The following ANO4 variants were observed in gnomAD, a reference collection of about 807,000 sequenced individuals.
ANO4 encodes the protein anoctamin 4.
A neutral mutation model predicts 141.9 loss-of-function variants in ANO4; 69 were observed. That is an observed-to-expected ratio of 0.49 (90% CI 0.40 to 0.59). The LOEUF is 0.59. Ranked by LOEUF, ANO4 falls within the 20% of genes least tolerant of loss-of-function variation. The pLI, the probability that ANO4 is intolerant of heterozygous loss-of-function variation, is 0.00. For synonymous variants in ANO4, 350 were observed against 394.3 expected, an observed-to-expected ratio of 0.89 and a Z score of 1.33; for missense variants, 894 against 1,162.2, an observed-to-expected ratio of 0.77 and a Z score of 3.36.
At chr12:100,827,957 C>T (rs2036442327) in intron 1 of ANO4, among the ~76,000 whole-genome samples, 2 of 151,914 alleles carry the variant, frequency 1.3e-5, no homozygotes, top group South Asian at 2.1e-4. Flanking sequence ...GGGGCTACGA[C>T]GGGTGTCCCT....
intron 2 of ANO4, among the ~76,000 whole-genome samples, chr12:100,738,798 ACATGTGTGTGGTAAGAG>A (rs1352857227): frequency 6.6e-6 from 1 of 151,812 alleles, no homozygotes; most frequent in African/African-American, 2.4e-5. Flanking sequence ...ACCTTTTTTA[ACATGTGTGTGGTAAGAG>A]CACCTAAAAT....
At chr12:101,072,454 A>T (rs1348470491) in intron 14 of ANO4, among the ~76,000 whole-genome samples, 1 of 152,160 alleles carries the variant, frequency 6.6e-6, no homozygotes, top group Non-Finnish European at 1.5e-5. Context: ...AATTGATAAT[A>T]ATTGTTCTAT....
At chr12:100,883,510 A>G (rs1337766824) in intron 1 of ANO4, among the ~76,000 whole-genome samples, 1 of 152,250 alleles carries the variant, frequency 6.6e-6, no homozygotes, top group African/African-American at 2.4e-5. Context: ...TAGCCTACTG[A>G]TAAAGTATTT....
intron 7 of ANO4, among the ~76,000 whole-genome samples, chr12:100,979,908 T>G (rs1254989094): frequency 4.0e-5 from 6 of 149,658 alleles, no homozygotes; most frequent in Non-Finnish European, 6.0e-5. Context: ...TTTTTTTTTT[T>G]TTTTTGTATT....
At chr12:101,104,236 G>T (rs371539074) in intron 22 of ANO4, among the ~76,000 whole-genome samples, 9 of 151,370 alleles carry the variant, frequency 5.9e-5, no homozygotes, top group African/African-American at 2.2e-4. Flanking sequence ...ATTCATTTCT[G>T]CTCTTATCTT....
chr12:101,061,742 A>G (rs1005169469), intron 14 of ANO4, among the ~76,000 whole-genome samples: 3 of 151,624 alleles, frequency 2.0e-5, no homozygotes, highest in African/African-American at 2.4e-5. Context: ...CAGGTCATTT[A>G]TGTCCTCTAA....
intron 2 of ANO4, among the ~76,000 whole-genome samples, chr12:100,739,142 T>A (rs1295881693): frequency 6.7e-6 from 1 of 148,418 alleles, no homozygotes; most frequent in African/African-American, 2.4e-5. Flanking sequence ...TTAATCCTTA[T>A]AATTTATATA....
chr12:101,114,931 G>A (rs1011887674), intron 24 of ANO4, among the ~76,000 whole-genome samples: 26 of 152,186 alleles, frequency 1.7e-4, no homozygotes, highest in African/African-American at 6.0e-4. Context: ...TGACAAATGG[G>A]TCCTTCAGCT....
Position 101,094,259 on chromosome 12 carries a change from T to C in ANO4, c.1705T>C (p.Tyr569His). 6.2e-7 allele frequency: 1 copy of C among 1,610,550 alleles called. No individual in the cohort carries two copies. The highest frequency in any genetic ancestry group is 8.5e-7 in the Non-Finnish European group (1 of 1,177,054). Reference sequence around the variant, plus strand: ...ATGCATGAAATTTATTTTACAGCTCTATGAAAAAGTTGCCCTGCTTCTGAC... The same window carrying C: ...ATGCATGAAATTTATTTTACAGCTCCATGAAAAAGTTGCCCTGCTTCTGAC... ...FCIIMLLNVL[Y>H]EKVALLLTNL... is the part of the protein sequence containing the mutation. The change falls in exon 18 of 28, where the codon TAT becomes CAT. Residue 569 changes from tyrosine (Y) to histidine (H), a missense_variant. Transcript: ENST00000392977.
chr12:100,997,886 TC>T (rs780325384), intron 8 of ANO4, among the ~76,000 whole-genome samples: 7 of 152,216 alleles, frequency 4.6e-5, no homozygotes, highest in Non-Finnish European at 7.3e-5. Flanking sequence ...GCAGGACTTT[TC>T]TGAAGGCTGT....
At chr12:101,096,046 G>A (rs1346595794) in intron 18 of ANO4, among the ~76,000 whole-genome samples, 1 of 152,180 alleles carries the variant, frequency 6.6e-6, no homozygotes, top group Non-Finnish European at 1.5e-5. Context: ...AAAAGCAAAT[G>A]AGTCAAATGC....
At chr12:100,964,784 A>G (rs141251376) in intron 5 of ANO4, among the ~76,000 whole-genome samples, 2 of 152,296 alleles carry the variant, frequency 1.3e-5, no homozygotes, top group South Asian at 4.1e-4. Flanking sequence ...CTCTGTTCAA[A>G]TGTAACCTTA....
At chr12:100,743,416 G>A (rs1312409233) in intron 3 of ANO4, among the ~76,000 whole-genome samples, 1 of 151,766 alleles carries the variant, frequency 6.6e-6, no homozygotes, top group Non-Finnish European at 1.5e-5. Context: ...CTTTTAGTAG[G>A]TTTGACACAC....
intron 3 of ANO4, among the ~76,000 whole-genome samples, chr12:100,754,795 C>G (rs1462216239): frequency 6.6e-6 from 1 of 152,008 alleles, no homozygotes; most frequent in Non-Finnish European, 1.5e-5. Context: ...AAACATAGTG[C>G]TAAGTGAAAT....
At chr12:101,036,771 AC>A (rs1279666542) in intron 9 of ANO4, among the ~76,000 whole-genome samples, 1 of 152,236 alleles carries the variant, frequency 6.6e-6, no homozygotes, top group African/African-American at 2.4e-5. Flanking sequence ...GATCTAATGT[AC>A]AGCATGGGTG....
At chr12:100,773,941 T>A in intron 3 of ANO4, among the ~76,000 whole-genome samples, 1 of 152,310 alleles carries the variant, frequency 6.6e-6, no homozygotes, top group South Asian at 2.1e-4. Context: ...GTTTTGTAAA[T>A]AAAACTTTAT....
At chr12:100,955,160 T>C (rs1252458981) in intron 5 of ANO4, among the ~76,000 whole-genome samples, 1 of 152,252 alleles carries the variant, frequency 6.6e-6, no homozygotes, top group African/African-American at 2.4e-5. Flanking sequence ...TATCTATTAT[T>C]GTATAACAAA....
chr12:100,989,975 A>AGATG (rs58082088), intron 8 of ANO4, among the ~76,000 whole-genome samples: 34,053 of 131,422 alleles, frequency 0.26, 4,463 homozygotes, highest in African/African-American at 0.28. Context: ...ATAGGTCACC[A>AGATG]GATGGATGGA....
chr12:101,085,972 A>AC (rs2049476282), intron 16 of ANO4, among the ~76,000 whole-genome samples: 1 of 152,174 alleles, frequency 6.6e-6, no homozygotes, highest in African/African-American at 2.4e-5. Flanking sequence ...TGGTATGGCT[A>AC]CCACATGACA....
Sources: gnomAD v4.1 joint callset for allele counts (sites outside exome capture counted in the v4.1 genomes callset) on GRCh38, gnomAD v4.1.1 for gene constraint, MANE v1.5 for transcripts, NCBI Gene and HGNC (gene_info 2026-07-23, HGNC 2026-07-21) for gene names.